Variants in SAAL1 observed in about 807,000 individuals in gnomAD.
SAAL1 encodes the protein protein SAAL1.
Under a neutral mutation model 59.8 loss-of-function variants are expected in SAAL1, and 42 were observed. The observed-to-expected ratio is 0.70, with a 90% CI of 0.55 to 0.91. The LOEUF (loss-of-function observed/expected upper bound fraction) is 0.91, where lower values mean the gene tolerates loss of function less well. Among genes scored for constraint, SAAL1 ranks in the 40% least tolerant of loss-of-function variants. SAAL1 has a pLI of 0.00. For missense variants in SAAL1, 542 were observed against 561.1 expected (o/e 0.97, Z 0.34); for synonymous variants, 191 against 194.3 (o/e 0.98, Z 0.14).
At chr11:18,097,945 G>C (rs1305351158) in intron 2 of SAAL1, among the ~76,000 whole-genome samples, 1 of 152,056 alleles carries the variant, frequency 6.6e-6, no homozygotes, top group Non-Finnish European at 1.5e-5. Context: ...AGGAGTTCGA[G>C]ACCAGCCTAG....
At chr11:18,089,089 A>T (rs575316904) in intron 7 of SAAL1, among the ~76,000 whole-genome samples, 37 of 152,374 alleles carry the variant, frequency 2.4e-4, no homozygotes, top group African/African-American at 8.7e-4. Context: ...AATTACATAA[A>T]ATATGGTAAG....
At chr11:18,105,724 G>T (rs76327995) in intron 1 of SAAL1, among the ~76,000 whole-genome samples, 183 bp downstream of exon 1, 2,831 of 152,302 alleles carry the variant, frequency 0.019, 76 homozygotes, top group African/African-American at 0.061. Context: ...ACCCCGAGGG[G>T]GCCCAGATAG....
intron 4 of SAAL1, 41 bp from the exon 5 acceptor site, chr11:18,090,534 G>A (rs1485596784): frequency 5.1e-6 from 8 of 1,574,980 alleles, no homozygotes; most frequent in East Asian, 2.2e-5. Flanking sequence ...CTCACTTCTC[G>A]CATTTAAAAT....
intron 1 of SAAL1, 50 bp downstream of exon 1, chr11:18,105,857 G>A (rs992501118): frequency 2.0e-6 from 3 of 1,504,890 alleles, no homozygotes; most frequent in Non-Finnish European, 2.7e-6. Context: ...GCGGAGCCCC[G>A]GTGCCTGGGG....
chr11:18,106,042 G>T lies in SAAL1; in HGVS notation c.-1C>A, dbSNP rs1307632246. Reference sequence around the variant, plus strand: ...GCGGCGGCGAGGGGTTGCGGTCCATGACTTTGTCGCGTCCCGCGCTTGAAG... The same window carrying T: ...GCGGCGGCGAGGGGTTGCGGTCCATTACTTTGTCGCGTCCCGCGCTTGAAG... On this transcript the variant is annotated 5_prime_UTR_variant, in exon 1 of 12. Transcript: ENST00000524803. The T allele has an allele frequency of 6.2e-7, 1 of 1,600,846 alleles. No homozygotes were observed.
chr11:18,080,716 C>T (rs909520531), intron 11 of SAAL1, among the ~76,000 whole-genome samples: 3 of 152,152 alleles, frequency 2.0e-5, no homozygotes, highest in Non-Finnish European at 4.4e-5. Flanking sequence ...CTTCTCCCCC[C>T]GCCTCTTCTT....
At chr11:18,090,095 C>T in intron 6 of SAAL1, 80 bp downstream of exon 6, 1 of 1,313,124 alleles carries the variant, frequency 7.6e-7, no homozygotes, top group Admixed American at 2.9e-5. Flanking sequence ...AAAAAGGTGA[C>T]TTCTAGAAAT....
chr11:18,080,557 T>C, intron 11 of SAAL1, 66 bp from the exon 12 acceptor site: 1 of 1,026,988 alleles, frequency 9.7e-7, no homozygotes. Flanking sequence ...AGGTACTGAT[T>C]GCTCTACCTG....
intron 3 of SAAL1, among the ~76,000 whole-genome samples, chr11:18,092,720 G>A (rs1035243510): frequency 5.3e-5 from 8 of 152,158 alleles, no homozygotes; most frequent in Admixed American, 1.3e-4. Context: ...GGCACAAAGT[G>A]GGTGAACAGC....
At position 18,087,888 on chromosome 11, in the gene SAAL1, A is replaced by G. The variant is rs1023429705; in HGVS notation, c.771-663T>C. ...TGTATAAGATGTTATCCCTACCTTC[A>G]TAAACTTTATACTCTAAAAGGAAAG... On this transcript the variant is annotated intron_variant, in intron 7 of 11. Coordinates refer to ENST00000524803, the MANE Select transcript of SAAL1 (RefSeq NM_138421.3). 3.7e-4 allele frequency among the ~76,000 whole-genome samples: 56 copies of G among 152,360 alleles called. 1 individual carries two copies. The highest frequency in any genetic ancestry group is 1.3e-3 in the African/African-American group (54 of 41,586).
intron 10 of SAAL1, chr11:18,083,082 AAAG>A (rs1288396623): frequency 6.6e-6 from 1 of 152,394 alleles, no homozygotes; most frequent in East Asian, 1.9e-4. Context: ...AACATGGTCA[AAAG>A]AAGAATATTA....
At chr11:18,090,583 T>C (rs1414164838) in intron 4 of SAAL1, 90 bp from the exon 5 acceptor site, 6 of 1,382,334 alleles carry the variant, frequency 4.3e-6, no homozygotes, top group Middle Eastern at 1.9e-4. Context: ...ATCTTTATTG[T>C]GAAATACAGC....
At chr11:18,100,295 A>T (rs1848621643) in intron 2 of SAAL1, among the ~76,000 whole-genome samples, 1 of 152,254 alleles carries the variant, frequency 6.6e-6, no homozygotes, top group South Asian at 2.1e-4. Flanking sequence ...TTAAAACCAT[A>T]TTCTGGGCTA....
Position 18,090,231 on chromosome 11 carries a change from T to C in SAAL1, c.533A>G (p.Gln178Arg), listed in dbSNP as rs2134059003. 1 of 1,610,534 alleles carries C rather than the reference T, an allele frequency of 6.2e-7. No homozygotes were observed. The highest frequency in any genetic ancestry group is 1.1e-5 in the South Asian group (1 of 89,832). The change falls in exon 6 of 12, where the codon CAG becomes CGG. Residue 178 changes from glutamine (Q) to arginine (R), a missense_variant. By Grantham distance (43) the Gln-to-Arg change is conservative. Transcript: ENST00000524803. Reference protein sequence around the residue: ...EVASVWVERIQEHPAIYDSIC... With the variant: ...EVASVWVERIREHPAIYDSIC... ...GCTATCATAAATAGCTGGATGTTCC[T>C]GGATCCTTTCAACCCAAACACTGGC...
chr11:18,083,865 C>G (rs1848435729), intron 9 of SAAL1, 134 bp from the exon 10 acceptor site: 1 of 479,024 alleles, frequency 2.1e-6, no homozygotes, highest in South Asian at 6.2e-5. Flanking sequence ...GATGTCAGCC[C>G]ATAAGAGGCT....
In SAAL1 at chr11:18,087,138, C is replaced by T; in HGVS notation, c.853+5G>A. The T allele has an allele frequency of 6.2e-7, 1 of 1,610,536 alleles. No individual in the cohort carries two copies. Among genetic ancestry groups the T allele is most frequent in the South Asian group, 1.1e-5 (1 of 90,972 alleles). ...ACTGTAGTGCATCCCGATAAACCAC[C>T]TTACCAATTGCTTGAATTCCATCAT... On this transcript the variant is annotated splice_donor_5th_base_variant and intron_variant, in intron 8 of 11. Coordinates refer to ENST00000524803, the MANE Select transcript of SAAL1 (RefSeq NM_138421.3).
intron 10 of SAAL1, among the ~76,000 whole-genome samples, chr11:18,082,598 T>TA (rs201009185): frequency 6.2e-4 from 91 of 146,788 alleles, no homozygotes; most frequent in Admixed American, 2.2e-3. Context: ...AGACAACTAA[T>TA]AAAAAAAAAA....
rs148493367 is a variant in SAAL1, at chr11:18,105,931, G to A, written c.111C>T (p.Phe37=). The A allele has an allele frequency of 1.6e-4, 254 of 1,604,940 alleles. No homozygotes were observed. Among genetic ancestry groups the A allele is most frequent in the Non-Finnish European group, 2.0e-4 (237 of 1,176,346 alleles). The change falls in exon 1 of 12, where the codon TTC becomes TTT. Residue 37 remains phenylalanine (F), a synonymous_variant. Coordinates refer to ENST00000524803, the MANE Select transcript of SAAL1 (RefSeq NM_138421.3). ...GSTVYSKHWL[F]GVLSGLIQIV... is the part of the protein sequence containing the mutation. ...CCTGGATGAGTCCGCTGAGGACGCC[G>A]AAGAGCCAGTGTTTGCTGTAGACCG... is the stretch of plus-strand genomic sequence containing the variant.
At chr11:18,082,384 T>C (rs777148827) in intron 10 of SAAL1, among the ~76,000 whole-genome samples, 1 of 152,194 alleles carries the variant, frequency 6.6e-6, no homozygotes, top group Non-Finnish European at 1.5e-5. Flanking sequence ...TTACCTGAAC[T>C]TTGACATAAA....
Sources: gnomAD v4.1 joint callset for allele counts (sites outside exome capture counted in the v4.1 genomes callset) on GRCh38, gnomAD v4.1.1 for gene constraint, MANE v1.5 for transcripts, NCBI Gene and HGNC (gene_info 2026-07-23, HGNC 2026-07-21) for gene names.